Variants in FGF14 observed in about 807,000 individuals in gnomAD.
The protein encoded by FGF14 is fibroblast growth factor homologous factor 4.
Under a neutral mutation model 25.5 loss-of-function variants are expected in FGF14, and 5 were observed. The observed-to-expected ratio is 0.20, with a 90% CI of 0.10 to 0.41. The LOEUF is 0.41. FGF14 is among the 10% of genes least tolerant of loss of function. FGF14 has a pLI of 1.00. For missense variants in FGF14, 222 were observed against 320.1 expected (o/e 0.69, Z 2.34); for synonymous variants, 138 against 118.3 (o/e 1.17, Z -1.08).
chr13:101,963,927 A>T (rs772865715), intron 1 of FGF14, among the ~76,000 whole-genome samples: 2 of 152,216 alleles, frequency 1.3e-5, no homozygotes, highest in Non-Finnish European at 2.9e-5. Context: ...CTCAGACAAG[A>T]GGAGTTGAAA....
chr13:101,742,874 G>A (rs2036643530), intron 3 of FGF14, among the ~76,000 whole-genome samples: 1 of 152,148 alleles, frequency 6.6e-6, no homozygotes, highest in Non-Finnish European at 1.5e-5. Context: ...CTGTTCACAT[G>A]AGACAAATCC....
chr13:102,281,167 G>A (rs936843904), intron 1 of FGF14, among the ~76,000 whole-genome samples: 1 of 152,088 alleles, frequency 6.6e-6, no homozygotes, highest in Non-Finnish European at 1.5e-5. Flanking sequence ...CCATTGTTCT[G>A]ATGAAAAGTA....
intron 1 of FGF14, among the ~76,000 whole-genome samples, chr13:101,953,570 GTATA>G (rs1555326942): frequency 7.2e-6 from 1 of 138,070 alleles, no homozygotes. Context: ...GTGTGTGTGT[GTATA>G]TATATATATA....
intron 1 of FGF14, among the ~76,000 whole-genome samples, chr13:102,033,077 T>G (rs1221458128): frequency 1.3e-5 from 2 of 151,988 alleles, no homozygotes; most frequent in Non-Finnish European, 2.9e-5. Flanking sequence ...AATAAGAAAA[T>G]CCTTGAATAC....
intron 1 of FGF14, among the ~76,000 whole-genome samples, chr13:102,100,568 C>T (rs1377445927): frequency 6.6e-6 from 1 of 152,136 alleles, no homozygotes; most frequent in Admixed American, 6.6e-5. Context: ...TCTGTCTGAG[C>T]ACTAGTAACA....
At chr13:101,935,334 C>A (rs570111850) in intron 1 of FGF14, among the ~76,000 whole-genome samples, 1 of 152,302 alleles carries the variant, frequency 6.6e-6, no homozygotes, top group South Asian at 2.1e-4. Flanking sequence ...ATTCTGCTGA[C>A]AGAGCAGCTA....
intron 1 of FGF14, among the ~76,000 whole-genome samples, chr13:102,025,929 A>C (rs988153616): frequency 3.3e-5 from 5 of 151,920 alleles, no homozygotes; most frequent in Non-Finnish European, 7.4e-5. Flanking sequence ...TGCATTATCT[A>C]TATAGGGGGT....
Position 102,376,429 on chromosome 13 carries a change from A to T in FGF14, c.208+25042T>A, listed in dbSNP as rs117320037. Reference sequence around the variant, plus strand: ...TTATTAGCAGTATAAGAACAGACTAATACAACCCTGTTCTGTGCTCTTTTC... The same window carrying T: ...TTATTAGCAGTATAAGAACAGACTATTACAACCCTGTTCTGTGCTCTTTTC... On this transcript the variant is annotated intron_variant, in intron 1 of 4. Transcript: ENST00000376131. Among the ~76,000 whole-genome samples, 1,228 of 152,318 alleles carry T rather than the reference A, an allele frequency of 8.1e-3. 11 individuals are homozygous for T. Among genetic ancestry groups the T allele is most frequent in the Non-Finnish European group, 0.013 (902 of 68,028 alleles).
chr13:101,778,846 G>A (rs1461121987), intron 3 of FGF14: 3 of 140,588 alleles, frequency 2.1e-5, no homozygotes, highest in African/African-American at 7.7e-5. Context: ...GAAGCCAATT[G>A]TTTTTGTTTG....
At chr13:101,953,588 A>G (rs1566487661) in intron 1 of FGF14, among the ~76,000 whole-genome samples, 1 of 148,690 alleles carries the variant, frequency 6.7e-6, no homozygotes, top group African/African-American at 2.5e-5. Flanking sequence ...ATATATATAT[A>G]ATTTTTATTT....
chr13:102,292,352 T>C (rs947646585), intron 1 of FGF14: 2 of 151,886 alleles, frequency 1.3e-5, no homozygotes, highest in Non-Finnish European at 2.9e-5. Context: ...TAATGTATTG[T>C]TATTCTTGAG....
At chr13:102,324,564 C>G (rs1469695835) in intron 1 of FGF14, among the ~76,000 whole-genome samples, 2 of 152,290 alleles carry the variant, frequency 1.3e-5, no homozygotes, top group African/African-American at 4.8e-5. Context: ...GTTAGATCAG[C>G]TCATGCATCA....
intron 3 of FGF14, among the ~76,000 whole-genome samples, chr13:101,805,858 C>A (rs142073764): frequency 6.6e-6 from 1 of 151,768 alleles, no homozygotes; most frequent in Non-Finnish European, 1.5e-5. Flanking sequence ...AAACAAAAGC[C>A]CAAATGGAGT....
chr13:101,899,264 AT>A (rs1318056006), intron 1 of FGF14, among the ~76,000 whole-genome samples: 3 of 152,148 alleles, frequency 2.0e-5, no homozygotes, highest in Non-Finnish European at 4.4e-5. Context: ...TCTTTCTAAA[AT>A]GTCCAACACT....
At chr13:101,857,258 C>A (rs1467476824) in intron 3 of FGF14, among the ~76,000 whole-genome samples, 5 of 151,982 alleles carry the variant, frequency 3.3e-5, no homozygotes, top group South Asian at 2.1e-4. Context: ...AATACCTCCA[C>A]CTTGTCAGAG....
intron 1 of FGF14, among the ~76,000 whole-genome samples, chr13:102,162,158 G>T (rs372980284): frequency 1.3e-5 from 2 of 152,080 alleles, no homozygotes; most frequent in African/African-American, 4.8e-5. Context: ...ACTGGGAGGC[G>T]GTTGGCACTA....
Position 101,721,487 on chromosome 13 carries a change from G to A in FGF14, c.*1344C>T, listed in dbSNP as rs2034980602. 1 of 152,040 alleles carries A rather than the reference G, an allele frequency of 6.6e-6. No homozygotes were observed. The highest frequency in any genetic ancestry group is 2.4e-5 in the African/African-American group (1 of 41,396). The allele number at this position is 152,040 out of a possible 1,614,324, so 9.4% of individuals were successfully genotyped here. On this transcript the variant is annotated 3_prime_UTR_variant, in exon 5 of 5. Transcript: ENST00000376143. ...TCAACAGACTGTATTCTGAGATCAT[G>A]GCAAGGCACCTCTAACCCAGCCACT...
chr13:102,261,953 A>G (rs2052738785), intron 1 of FGF14, among the ~76,000 whole-genome samples: 1 of 152,048 alleles, frequency 6.6e-6, no homozygotes, highest in African/African-American at 2.4e-5. Context: ...ACGCATGGAG[A>G]AAGGGGGCCC....
intron 1 of FGF14, among the ~76,000 whole-genome samples, chr13:102,055,993 A>C (rs186247063): frequency 8.4e-4 from 128 of 152,242 alleles, no homozygotes; most frequent in African/African-American, 3.0e-3. Flanking sequence ...ATTCACTACC[A>C]CGAGAACAGT....
Sources: gnomAD v4.1 joint callset for allele counts (sites outside exome capture counted in the v4.1 genomes callset) on GRCh38, gnomAD v4.1.1 for gene constraint, MANE v1.5 for transcripts, NCBI Gene and HGNC (gene_info 2026-07-23, HGNC 2026-07-21) for gene names.